MTUS1: variants seen among roughly 807,000 people sequenced by gnomAD.
The protein encoded by MTUS1 is microtubule associated scaffold protein 1.
In MTUS1, 109 loss-of-function variants were observed where a neutral mutation model predicts 120.8. The observed-to-expected ratio is 0.90, with a 90% CI of 0.77 to 1.06. MTUS1 has a LOEUF of 1.06. MTUS1 is among the 50% of genes least tolerant of loss of function. The pLI is 0.00. For synonymous variants in MTUS1, 737 were observed against 550.5 expected (o/e 1.34, Z -4.74); for missense variants, 2,210 against 1,486.3 (o/e 1.49, Z -8.01).
chr8:17,721,485 G>A (rs1281070854), intron 4 of MTUS1, among the ~76,000 whole-genome samples: 1 of 152,046 alleles, frequency 6.6e-6, no homozygotes, highest in Non-Finnish European at 1.5e-5. Context: ...GAACATTAAC[G>A]ATGCTGCTGA....
chr8:17,702,089 C>A (rs1259341317), intron 6 of MTUS1, among the ~76,000 whole-genome samples: 3 of 152,084 alleles, frequency 2.0e-5, no homozygotes, highest in Non-Finnish European at 4.4e-5. Context: ...GTAAACAATT[C>A]TGAAAAGCAG....
rs376004544 is a variant in MTUS1 at position 17,669,293 on chromosome 8, G to T, written c.2905+5893C>A. ...GAGTAAAAGAGAAGGAGCATGAGGG[G>T]TCCGCGACGGGAGGGGAGTGGAAAG... On this transcript the variant is annotated intron_variant, in intron 8 of 14. Coordinates refer to ENST00000693296, the MANE Select transcript of MTUS1 (RefSeq NM_001363059.2). 5.9e-5 allele frequency among the ~76,000 whole-genome samples: 9 copies of T among 152,316 alleles called. No homozygotes were observed. In the East Asian group the frequency reaches 1.5e-3, roughly 26 times the overall value.
chr8:17,699,453 G>T (rs1276631570), intron 6 of MTUS1, among the ~76,000 whole-genome samples: 1 of 152,134 alleles, frequency 6.6e-6, no homozygotes, highest in Non-Finnish European at 1.5e-5. Flanking sequence ...GACCTCAGGT[G>T]ATCCACACAC....
rs1243618724 is a variant in MTUS1, at chr8:17,723,738, G to A, written c.2383C>T (p.Arg795Trp). Reference protein sequence around the residue: ...SKASLKSPALRRTGSTPSIAS... With the variant: ...SKASLKSPALWRTGSTPSIAS... ...ATTGAGGGGGTGCTTCCTGTCCTCC[G>A]CAGCGCAGGACTTTTCAAAGATGCT... The change falls in exon 4 of 15, where the codon CGG becomes TGG. Residue 795 changes from arginine (R) to tryptophan (W), a missense_variant. Coordinates refer to ENST00000693296, the MANE Select transcript of MTUS1 (RefSeq NM_001363059.2). 4.3e-6 allele frequency: 7 copies of A among 1,610,530 alleles called. No homozygotes were observed. Among genetic ancestry groups the A allele is most frequent in the African/African-American group, 2.7e-5 (2 of 74,774 alleles).
intron 4 of MTUS1, among the ~76,000 whole-genome samples, chr8:17,720,458 G>C (rs1233990752): frequency 6.6e-6 from 1 of 152,086 alleles, no homozygotes; most frequent in African/African-American, 2.4e-5. Context: ...TGAAGGGAAA[G>C]AACACTCCAT....
chr8:17,684,003 A>C (rs1392553619), intron 7 of MTUS1, among the ~76,000 whole-genome samples: 1 of 152,224 alleles, frequency 6.6e-6, no homozygotes, highest in Non-Finnish European at 1.5e-5. Context: ...CACACAGACA[A>C]ACACACAAAT....
In MTUS1 at chr8:17,721,980, G is replaced by A. The variant is rs2045880586; in HGVS notation, c.2449+1692C>T. 2.8e-6 allele frequency: 4 copies of A among 1,411,806 alleles called. No homozygotes were observed. The East Asian group carries it at 7.6e-5, about 27-fold the overall frequency. 87.5% of individuals were successfully genotyped at this position (1,411,806 alleles called of 1,614,324 possible). ...CATATCCCTCATGCTTGCTCTTAGT[G>A]AATTCGAATGGAGGGAAAAAAAAAA... On this transcript the variant is annotated intron_variant, in intron 4 of 14. Transcript: ENST00000693296.
intron 3 of MTUS1, among the ~76,000 whole-genome samples, chr8:17,734,404 T>C (rs952128778): frequency 3.9e-4 from 59 of 152,174 alleles, no homozygotes; most frequent in African/African-American, 1.4e-3. Context: ...GCAACACAGG[T>C]GAGTCATAAC....
At chr8:17,658,156 GC>G (rs544855335) in intron 8 of MTUS1, among the ~76,000 whole-genome samples, 40 of 151,788 alleles carry the variant, frequency 2.6e-4, no homozygotes, top group African/African-American at 7.7e-4. Flanking sequence ...TCCTGCCTCA[GC>G]CTCCTCAGTA....
At position 17,724,663 on chromosome 8, in the gene MTUS1, T is replaced by C. The variant is rs115463922; in HGVS notation, c.2288-830A>G. 1.0e-2 allele frequency among the ~76,000 whole-genome samples: 1,522 copies of C among 152,294 alleles called. 23 individuals are homozygous for C. Among genetic ancestry groups the C allele is most frequent in the African/African-American group, 0.034 (1,411 of 41,546 alleles). On this transcript the variant is annotated intron_variant, in intron 3 of 14. Transcript: ENST00000693296. ...TGGCATCTCTGAAACTACATTCTCCTGATGCTCACGAACCTGCTACCTAAA... is the reference window on the plus strand; with the variant it reads ...TGGCATCTCTGAAACTACATTCTCCCGATGCTCACGAACCTGCTACCTAAA...
intron 4 of MTUS1, among the ~76,000 whole-genome samples, chr8:17,721,131 G>A (rs2131090569): frequency 6.6e-6 from 1 of 152,214 alleles, no homozygotes; most frequent in South Asian, 2.1e-4. Context: ...GACAAAGCGA[G>A]AAACCAATAT....
At chr8:17,744,620 T>C (rs1408940793) in intron 2 of MTUS1, among the ~76,000 whole-genome samples, 1 of 151,750 alleles carries the variant, frequency 6.6e-6, no homozygotes, top group Non-Finnish European at 1.5e-5. Flanking sequence ...TTTTATATTT[T>C]TGTAGCTAAG....
chr8:17,793,256 G>A (rs76099181), intron 1 of MTUS1, among the ~76,000 whole-genome samples: 3,321 of 152,248 alleles, frequency 0.022, 62 homozygotes, highest in South Asian at 0.033. Flanking sequence ...TAACTCAGAA[G>A]CATCAGGAAA....
intron 1 of MTUS1, among the ~76,000 whole-genome samples, chr8:17,782,388 A>T (rs1364848112): frequency 3.3e-5 from 5 of 152,218 alleles, no homozygotes; most frequent in African/African-American, 1.2e-4. Flanking sequence ...CAGAGATACT[A>T]TACACCTGAT....
At chr8:17,652,188 A>G (rs1807153154) in intron 12 of MTUS1, among the ~76,000 whole-genome samples, 1 of 152,226 alleles carries the variant, frequency 6.6e-6, no homozygotes, top group Non-Finnish European at 1.5e-5. Flanking sequence ...TTTCAAAAAG[A>G]CAAAGGTTGG....
intron 3 of MTUS1, 92 bp from the exon 4 acceptor site, chr8:17,723,925 C>G: frequency 3.0e-6 from 3 of 1,000,662 alleles, no homozygotes; most frequent in African/African-American, 3.2e-5. Flanking sequence ...TCTGCACTAA[C>G]AACAAAGTCA....
At position 17,760,925 on chromosome 8, in the gene MTUS1, C is replaced by G. The variant is rs186906485; in HGVS notation, c.-154-4964G>C. 2.2e-3 allele frequency among the ~76,000 whole-genome samples: 341 copies of G among 151,686 alleles called. 1 individual carries two copies. Among genetic ancestry groups the G allele is most frequent in the African/African-American group, 8.0e-3 (331 of 41,370 alleles). On this transcript the variant is annotated intron_variant, in intron 1 of 14. Coordinates refer to ENST00000693296, the MANE Select transcript of MTUS1 (RefSeq NM_001363059.2). ...TATAACACCAGAACAAGGTATAACA[C>G]CAGAACAAAGGTATAACACTTGTGT...
intron 6 of MTUS1, chr8:17,705,977 G>A (rs544744069): frequency 6.6e-6 from 1 of 152,222 alleles, no homozygotes; most frequent in South Asian, 2.1e-4. Flanking sequence ...AGTAAGCCAA[G>A]ATTTTTTTTA....
At chr8:17,790,793 C>A (rs1370791716) in intron 1 of MTUS1, among the ~76,000 whole-genome samples, 1 of 152,134 alleles carries the variant, frequency 6.6e-6, no homozygotes, top group Non-Finnish European at 1.5e-5. Context: ...TCGAGACCAG[C>A]GTGGCCTACA....
Sources: allele counts gnomAD v4.1 joint callset (sites outside exome capture counted in the v4.1 genomes callset), GRCh38; gene constraint gnomAD v4.1.1; transcripts MANE v1.5; gene names NCBI Gene and HGNC (gene_info 2026-07-23, HGNC 2026-07-21).